PXDNL: variants seen among roughly 807,000 people sequenced by gnomAD.
PXDNL encodes peroxidasin like, also known as probable oxidoreductase PXDNL.
Under a neutral mutation model 150.8 loss-of-function variants are expected in PXDNL, and 145 were observed. That is an observed-to-expected ratio of 0.96 (90% CI 0.84 to 1.10). PXDNL has a LOEUF of 1.10. PXDNL is among the 50% of genes least tolerant of loss of function. The probability of loss-of-function intolerance (pLI) is 0.00; values close to 1 mark genes in which losing one functional copy is unlikely to be tolerated. For missense variants in PXDNL, 2,087 were observed against 1,873.9 expected (o/e 1.11, Z -2.10); for synonymous variants, 757 against 725.7 (o/e 1.04, Z -0.69).
chr8:51,678,696 A>T (rs760894654), intron 1 of PXDNL, among the ~76,000 whole-genome samples: 82 of 150,498 alleles, frequency 5.4e-4, no homozygotes, highest in Non-Finnish European at 1.0e-3. Flanking sequence ...GAAGGGGAAC[A>T]TCACACTCTG....
rs572770471 is a variant in PXDNL, at chr8:51,772,146, ACT to A, written c.164+37033_164+37034del. On this transcript the variant is annotated intron_variant, in intron 1 of 22. Coordinates refer to ENST00000356297, the MANE Select transcript of PXDNL (RefSeq NM_144651.5). ...ATGTCTCACCTTCCTCCTGTTTCCC[ACT>A]CTCTTTGATGAACCAGCAGCACTGC... 1.0e-4 allele frequency among the ~76,000 whole-genome samples: 15 copies of A among 144,780 alleles called. No individual in the cohort carries two copies. In the East Asian group the frequency reaches 3.1e-3, roughly 30 times the overall value. The allele number at this position is 144,780 out of a possible 152,430, so 95.0% of individuals were successfully genotyped here. A position where few individuals can be genotyped will look rare whatever the true frequency, so the allele number is the denominator to read the frequency against.
intron 1 of PXDNL, among the ~76,000 whole-genome samples, chr8:51,723,729 C>G (rs1173352441): frequency 3.3e-5 from 5 of 152,298 alleles, no homozygotes; most frequent in Middle Eastern, 3.4e-3. Context: ...CAAAGTTCCT[C>G]TGAGCGAGGT....
At chr8:51,455,079 G>A (rs1451977350) in intron 9 of PXDNL, among the ~76,000 whole-genome samples, 3 of 70,122 alleles carry the variant, frequency 4.3e-5, no homozygotes, top group Non-Finnish European at 6.9e-5. Context: ...ACTGCAGTCC[G>A]CAGTCCGGCC....
At chr8:51,719,236 T>C (rs190017390) in intron 1 of PXDNL, among the ~76,000 whole-genome samples, 14 of 152,280 alleles carry the variant, frequency 9.2e-5, no homozygotes, top group Admixed American at 9.2e-4. Flanking sequence ...AGAAATCAGA[T>C]TGTTGCTGTG....
At chr8:51,676,965 C>T (rs776685378) in intron 1 of PXDNL, among the ~76,000 whole-genome samples, 11 of 152,240 alleles carry the variant, frequency 7.2e-5, no homozygotes, top group African/African-American at 1.7e-4. Flanking sequence ...GGTCAAGATA[C>T]GAAGAAAAAC....
chr8:51,631,933 A>G (rs762915805), intron 2 of PXDNL, among the ~76,000 whole-genome samples: 3 of 152,188 alleles, frequency 2.0e-5, no homozygotes, highest in African/African-American at 4.8e-5. Flanking sequence ...ATGGAGGAGA[A>G]GAAGAACAGG....
At chr8:51,566,987 T>A (rs1212472709) in intron 3 of PXDNL, among the ~76,000 whole-genome samples, 2 of 151,844 alleles carry the variant, frequency 1.3e-5, no homozygotes, top group Non-Finnish European at 1.5e-5. Context: ...GTATTTTTAC[T>A]TTTATTCAGT....
At chr8:51,622,318 G>A (rs1440103636) in intron 2 of PXDNL, among the ~76,000 whole-genome samples, 2 of 152,288 alleles carry the variant, frequency 1.3e-5, no homozygotes, top group East Asian at 3.9e-4. Flanking sequence ...ACTCCATGAT[G>A]AGAGTTGAAG....
At position 51,465,283 on chromosome 8, in the gene PXDNL, A is replaced by G. The variant is rs74322311; in HGVS notation, c.812+6904T>C. 9.8e-5 allele frequency among the ~76,000 whole-genome samples: 15 copies of G among 152,298 alleles called. No individual in the cohort carries two copies. In the East Asian group the frequency reaches 2.9e-3, roughly 29 times the overall value. On this transcript the variant is annotated intron_variant, in intron 8 of 22. Coordinates refer to ENST00000356297, the MANE Select transcript of PXDNL (RefSeq NM_144651.5). ...TCAATACATGTCATTCACCACATAAACAGAATTTTAAAAAATTATATGATC... is the reference window on the plus strand; with the variant it reads ...TCAATACATGTCATTCACCACATAAGCAGAATTTTAAAAAATTATATGATC...
chr8:51,573,353 C>T (rs903735031), intron 3 of PXDNL, among the ~76,000 whole-genome samples: 2 of 151,940 alleles, frequency 1.3e-5, no homozygotes, highest in Non-Finnish European at 2.9e-5. Context: ...ACATAGAAAG[C>T]CTTGACCTCC....
chr8:51,355,030 C>T (rs1000395391), intron 19 of PXDNL, among the ~76,000 whole-genome samples: 1 of 151,990 alleles, frequency 6.6e-6, no homozygotes, highest in African/African-American at 2.4e-5. Context: ...ACTAACAGAC[C>T]CAAGGAGAGT....
intron 1 of PXDNL, among the ~76,000 whole-genome samples, chr8:51,780,584 A>G (rs1419530915): frequency 1.3e-5 from 2 of 151,120 alleles, no homozygotes; most frequent in African/African-American, 2.4e-5. Context: ...CGCATCTTAC[A>G]GTGTCTTCAA....
At chr8:51,778,486 T>A (rs58408501) in intron 1 of PXDNL, among the ~76,000 whole-genome samples, 21,172 of 152,130 alleles carry the variant, frequency 0.14, 2,688 homozygotes, top group African/African-American at 0.32. Flanking sequence ...ACACATTTTT[T>A]AAGACATAAT....
chr8:51,502,148 A>G (rs1811198789), intron 4 of PXDNL, among the ~76,000 whole-genome samples: 1 of 152,234 alleles, frequency 6.6e-6, no homozygotes, highest in African/African-American at 2.4e-5. Flanking sequence ...TTTTGCAACT[A>G]CACTGTGTGG....
chr8:51,614,882 A>G (rs2130722585), intron 2 of PXDNL, among the ~76,000 whole-genome samples: 1 of 152,336 alleles, frequency 6.6e-6, no homozygotes, highest in South Asian at 2.1e-4. Flanking sequence ...TAGAAACTTA[A>G]AAAGTACAAG....
chr8:51,445,954 CT>C (rs1809661923), intron 12 of PXDNL, among the ~76,000 whole-genome samples: 2 of 151,624 alleles, frequency 1.3e-5, no homozygotes, highest in African/African-American at 4.8e-5. Flanking sequence ...CCCTACAATC[CT>C]TTTTCCCCCC....
chr8:51,681,817 A>G (rs1815757111), intron 1 of PXDNL, among the ~76,000 whole-genome samples: 1 of 152,168 alleles, frequency 6.6e-6, no homozygotes, highest in Non-Finnish European at 1.5e-5. Context: ...CACAGCACCC[A>G]CTGGGACTCC....
At chr8:51,591,219 CT>C (rs976138725) in intron 3 of PXDNL, among the ~76,000 whole-genome samples, 1 of 152,216 alleles carries the variant, frequency 6.6e-6, no homozygotes, top group East Asian at 1.9e-4. Context: ...GCCAAATAAA[CT>C]TTTTTTAAAA....
intron 1 of PXDNL, among the ~76,000 whole-genome samples, chr8:51,712,339 T>G (rs1816519534): frequency 6.6e-6 from 1 of 152,244 alleles, no homozygotes; most frequent in African/African-American, 2.4e-5. Context: ...CAGCTAATTT[T>G]CATTAGGCAC....
Sources: allele counts gnomAD v4.1 joint callset (sites outside exome capture counted in the v4.1 genomes callset), GRCh38; gene constraint gnomAD v4.1.1; transcripts MANE v1.5; gene names NCBI Gene and HGNC (gene_info 2026-07-23, HGNC 2026-07-21).